Variants in BCL2 observed in about 807,000 individuals in gnomAD.
BCL2 encodes the protein apoptosis regulator Bcl-2.
A neutral mutation model predicts 14.2 loss-of-function variants in BCL2; 1 was observed. The ratio of observed to expected loss-of-function variants is 0.07; its 90% CI spans 0.02 to 0.33. The LOEUF (loss-of-function observed/expected upper bound fraction) is 0.33. Ranked by LOEUF, BCL2 falls within the 10% of genes least tolerant of loss-of-function variation. The probability of loss-of-function intolerance (pLI) is 0.99; values close to 1 mark genes in which losing one functional copy is unlikely to be tolerated. For synonymous variants in BCL2, 151 were observed against 137.2 expected, an observed-to-expected ratio of 1.10 and a Z score of -0.70; for missense variants, 247 against 305.9, an observed-to-expected ratio of 0.81 and a Z score of 1.44.
In BCL2 at chr18:63,128,778, A is replaced by G. The variant is rs774365788; in HGVS notation, c.586-19T>C. ...AGGCATCCTGCAGTTGGGGGAGAGG[A>G]GGGAAGAAAAAGAAAGAGTATTAGA... On this transcript the variant is annotated intron_variant, in intron 2 of 2. Transcript: ENST00000333681. The G allele has an allele frequency of 1.3e-6, 1 of 776,314 alleles. No homozygotes were observed. Among genetic ancestry groups the G allele is most frequent in the African/African-American group, 1.7e-5 (1 of 58,948 alleles). 48.1% of individuals were successfully genotyped at this position (776,314 alleles called of 1,614,324 possible).
intron 2 of BCL2, among the ~76,000 whole-genome samples, chr18:63,169,359 TTC>T (rs1568222646): frequency 1.1e-4 from 7 of 64,932 alleles, no homozygotes; most frequent in South Asian, 6.3e-4. Context: ...CTTTCTTTCT[TTC>T]TTTCTTTCTC....
At chr18:63,282,370 G>A (rs1274086984) in intron 2 of BCL2, among the ~76,000 whole-genome samples, 1 of 152,146 alleles carries the variant, frequency 6.6e-6, no homozygotes, top group Non-Finnish European at 1.5e-5. Flanking sequence ...AATTTTCCCT[G>A]GAAGTTTATC....
intron 2 of BCL2, among the ~76,000 whole-genome samples, chr18:63,133,666 G>T (rs771016482): frequency 7.2e-5 from 11 of 152,214 alleles, no homozygotes; most frequent in Non-Finnish European, 1.3e-4. Context: ...GGAAGAGAAG[G>T]TTAATTCTAA....
chr18:63,291,573 A>G (rs886526898), intron 2 of BCL2, among the ~76,000 whole-genome samples: 8 of 152,202 alleles, frequency 5.3e-5, no homozygotes, highest in African/African-American at 1.9e-4. Flanking sequence ...AGAGTTTGCA[A>G]TTTAAACCAA....
chr18:63,188,023 T>G (rs1011679679), intron 2 of BCL2, among the ~76,000 whole-genome samples: 5 of 152,192 alleles, frequency 3.3e-5, no homozygotes, highest in African/African-American at 1.2e-4. Context: ...TCGAATGCAC[T>G]TGGGCAGTTT....
intron 2 of BCL2, among the ~76,000 whole-genome samples, chr18:63,258,688 G>A (rs916191852): frequency 6.6e-6 from 1 of 152,192 alleles, no homozygotes; most frequent in Admixed American, 6.5e-5. Context: ...CCGGCTTCAG[G>A]GGGAGCAGAG....
rs535174883 is a variant in BCL2, at chr18:63,123,444, G to A, written c.*5181C>T. The A allele has an allele frequency of 8.5e-5, 17 of 201,032 alleles. No individual in the cohort carries two copies. Among genetic ancestry groups the A allele is most frequent in the African/African-American group, 3.9e-4 (17 of 43,470 alleles). The allele number at this position is 201,032 out of a possible 1,614,324, so 12.5% of individuals were successfully genotyped here. ...GACTTTTTCCAACAACACAAACAAA[G>A]TGCCATTATAGCTAATGGTGGCCAA... On this transcript the variant is annotated 3_prime_UTR_variant, in exon 3 of 3. Coordinates refer to ENST00000333681, the MANE Select transcript of BCL2 (RefSeq NM_000633.3).
At chr18:63,191,367 G>T (rs1909288040) in intron 2 of BCL2, among the ~76,000 whole-genome samples, 1 of 152,158 alleles carries the variant, frequency 6.6e-6, no homozygotes, top group Admixed American at 6.5e-5. Flanking sequence ...AGCATCTGTT[G>T]TTTTTTGAAG....
intron 2 of BCL2, among the ~76,000 whole-genome samples, chr18:63,246,025 TAG>T (rs1392655552): frequency 6.6e-6 from 1 of 152,162 alleles, no homozygotes; most frequent in Admixed American, 6.5e-5. Context: ...ATGAGAGCTC[TAG>T]AGAGTGGGTG....
chr18:63,159,446 C>T (rs898770203), intron 2 of BCL2, among the ~76,000 whole-genome samples: 1 of 152,150 alleles, frequency 6.6e-6, no homozygotes, highest in Admixed American at 6.5e-5. Flanking sequence ...AGTTCTGAAA[C>T]GGATTTCTTT....
At chr18:63,309,909 C>T (rs1913255277) in intron 2 of BCL2, among the ~76,000 whole-genome samples, 1 of 152,132 alleles carries the variant, frequency 6.6e-6, no homozygotes, top group Non-Finnish European at 1.5e-5. Context: ...GTCCCCTAGG[C>T]TGGAGTGCAG....
At chr18:63,220,936 A>G (rs568292581) in intron 2 of BCL2, among the ~76,000 whole-genome samples, 28 of 152,356 alleles carry the variant, frequency 1.8e-4, no homozygotes, top group Non-Finnish European at 4.0e-4. Context: ...TCAAGAAGAG[A>G]AAAACACAAC....
rs80076443 is a variant in BCL2 at position 63,131,385 on chromosome 18, C to T, written c.586-2626G>A. 2.4e-3 allele frequency among the ~76,000 whole-genome samples: 368 copies of T among 152,330 alleles called. 1 individual carries two copies. The highest frequency in any genetic ancestry group is 8.2e-3 in the African/African-American group (340 of 41,578). ...AGTGTTAGAAAAGCGAGGCAATAGA[C>T]GTACATAAAATGTGTGTTTAGTGCT... On this transcript the variant is annotated intron_variant, in intron 2 of 2. Transcript: ENST00000333681.
chr18:63,209,691 A>C (rs751489388), intron 2 of BCL2, among the ~76,000 whole-genome samples: 4 of 152,156 alleles, frequency 2.6e-5, no homozygotes, highest in Non-Finnish European at 5.9e-5. Flanking sequence ...ACCTGCATTA[A>C]AATTGGAAGG....
At chr18:63,192,167 G>T (rs1222211946) in intron 2 of BCL2, among the ~76,000 whole-genome samples, 1 of 152,210 alleles carries the variant, frequency 6.6e-6, no homozygotes, top group Non-Finnish European at 1.5e-5. Context: ...GGGAATGATT[G>T]GGTGTTCCAG....
intron 2 of BCL2, among the ~76,000 whole-genome samples, chr18:63,311,035 T>C (rs528770780): frequency 6.6e-6 from 1 of 152,300 alleles, no homozygotes; most frequent in East Asian, 1.9e-4. Flanking sequence ...GCTTTTTTTT[T>C]TTCAAGAAGA....
intron 2 of BCL2, among the ~76,000 whole-genome samples, chr18:63,138,727 T>G (rs2144594922): frequency 6.6e-6 from 1 of 152,322 alleles, no homozygotes; most frequent in Non-Finnish European, 1.5e-5. Flanking sequence ...CTCCATGTCA[T>G]TTGGATGTAA....
At position 63,125,391 on chromosome 18, in the gene BCL2, C is replaced by T. The variant is rs1913884790; in HGVS notation, c.*3234G>A. 4.5e-6 allele frequency: 1 copy of T among 224,268 alleles called. No homozygotes were observed. Among genetic ancestry groups the T allele is most frequent in the South Asian group, 1.8e-4 (1 of 5,448 alleles). The allele number at this position is 224,268 out of a possible 1,614,324, so 13.9% of individuals were successfully genotyped here. A position where few individuals can be genotyped will look rare whatever the true frequency, so the allele number is the denominator to read the frequency against. On this transcript the variant is annotated 3_prime_UTR_variant, in exon 3 of 3. Coordinates refer to ENST00000333681, the MANE Select transcript of BCL2 (RefSeq NM_000633.3). The stretch of plus-strand genomic sequence containing the variant: ...GATGGCCATAGACCCTGTCAGCTGT[C>T]ATTCTGGCCTCTCTTGCGGAGTATT...
intron 2 of BCL2, among the ~76,000 whole-genome samples, chr18:63,275,161 T>C (rs1599284541): frequency 6.6e-6 from 1 of 151,884 alleles, no homozygotes; most frequent in Non-Finnish European, 1.5e-5. Context: ...GGCAGGAGGA[T>C]TGCTTGAGGC....
Sources: gnomAD v4.1 joint callset for allele counts (sites outside exome capture counted in the v4.1 genomes callset) on GRCh38, gnomAD v4.1.1 for gene constraint, MANE v1.5 for transcripts, NCBI Gene and HGNC (gene_info 2026-07-23, HGNC 2026-07-21) for gene names.